Variants in CAST observed in about 807,000 individuals in gnomAD.
CAST encodes the protein calpastatin, also known as MIR583 host.
CAST carries 76 observed loss-of-function variants against 119.6 expected under a neutral mutation model. The observed-to-expected ratio is 0.64, with a 90% confidence interval of 0.53 to 0.77. The LOEUF (loss-of-function observed/expected upper bound fraction) is 0.77, where lower values mean the gene tolerates loss of function less well. CAST is among the 30% of genes least tolerant of loss of function. CAST has a pLI of 0.00. For missense variants in CAST, 953 were observed against 946.5 expected (o/e 1.01, Z -0.09); for synonymous variants, 319 against 331.6 (o/e 0.96, Z 0.41).
At chr5:96,561,786 G>GTTTTTTTTTTT (rs1554067776) in intron 1 of CAST, among the ~76,000 whole-genome samples, 29 of 105,436 alleles carry the variant, frequency 2.8e-4, no homozygotes, top group South Asian at 1.1e-3. Flanking sequence ...TTATATATAT[G>GTTTTTTTTTTT]TTTTTTTTTG....
the CAST span, among the ~76,000 whole-genome samples, chr5:96,426,902 T>TA: frequency 1.3e-5 from 2 of 152,186 alleles, no homozygotes; most frequent in Admixed American, 6.5e-5. Flanking sequence ...GCAAACCTAT[T>TA]AAAAATAATG....
the CAST span, among the ~76,000 whole-genome samples, chr5:96,509,250 A>C: frequency 0.029 from 4,407 of 152,340 alleles, 211 homozygotes; most frequent in African/African-American, 0.099. Flanking sequence ...TCTGAGGAAT[A>C]GGTCTTTGCA....
the CAST span, among the ~76,000 whole-genome samples, chr5:96,105,603 T>G: frequency 2.0e-5 from 3 of 152,200 alleles, no homozygotes; most frequent in Admixed American, 2.0e-4. Context: ...TCATGGTGGA[T>G]AAGCTTTTTG....
chr5:96,347,766 G>T, the CAST span, among the ~76,000 whole-genome samples: 4 of 152,128 alleles, frequency 2.6e-5, no homozygotes, highest in Admixed American at 6.6e-5. Flanking sequence ...CCTCTGAAGG[G>T]TCATTGGGAG....
chr5:96,255,751 G>A, the CAST span, among the ~76,000 whole-genome samples: 6 of 152,086 alleles, frequency 3.9e-5, no homozygotes, highest in Non-Finnish European at 7.4e-5. Context: ...TTTTGAGACT[G>A]TGGCTTGATT....
At chr5:96,368,997 A>T in the CAST span, among the ~76,000 whole-genome samples, 6 of 152,010 alleles carry the variant, frequency 3.9e-5, no homozygotes, top group Non-Finnish European at 7.4e-5. Context: ...TTGTGGTTAG[A>T]ATTCTGAAAC....
chr5:95,966,812 A>G, the CAST span, among the ~76,000 whole-genome samples: 1 of 152,260 alleles, frequency 6.6e-6, no homozygotes, highest in Admixed American at 6.5e-5. Context: ...CATTAAGAGC[A>G]GTCTCTAGAA....
the CAST span, among the ~76,000 whole-genome samples, chr5:96,023,484 A>T: frequency 6.6e-6 from 1 of 152,224 alleles, no homozygotes; most frequent in Non-Finnish European, 1.5e-5. Context: ...TGATACTATC[A>T]TACTAGCAGA....
the CAST span, among the ~76,000 whole-genome samples, chr5:96,269,674 A>G: frequency 3.3e-5 from 5 of 152,222 alleles, no homozygotes; most frequent in African/African-American, 1.2e-4. Flanking sequence ...GTTTCTGGGC[A>G]TATACAACCT....
At chr5:96,398,173 CAG>C in the CAST span, among the ~76,000 whole-genome samples, 2 of 152,106 alleles carry the variant, frequency 1.3e-5, no homozygotes, top group African/African-American at 4.8e-5. Context: ...TCAAAATTAA[CAG>C]AGCCTATTCC....
At chr5:96,001,074 A>C in the CAST span, among the ~76,000 whole-genome samples, 1 of 152,176 alleles carries the variant, frequency 6.6e-6, no homozygotes, top group Admixed American at 6.5e-5. Flanking sequence ...CATCATCTAA[A>C]TTCTTAAACC....
the CAST span, chr5:95,961,475 C>G: frequency 7.6e-7 from 1 of 1,322,470 alleles, no homozygotes; most frequent in South Asian, 2.0e-5. Context: ...ACGGTAGCAG[C>G]TGCCAGCCAC....
At chr5:96,083,272 G>A in the CAST span, among the ~76,000 whole-genome samples, 1 of 151,474 alleles carries the variant, frequency 6.6e-6, no homozygotes, top group African/African-American at 2.4e-5. Flanking sequence ...ATACCAAAAA[G>A]AGAATAAAAA....
chr5:96,416,161 A>G, the CAST span: 1 of 1,378,202 alleles, frequency 7.3e-7, no homozygotes, highest in Admixed American at 1.7e-5. Flanking sequence ...CATACAGAAG[A>G]ACAAACATTT....
the CAST span, among the ~76,000 whole-genome samples, chr5:96,420,783 G>A: frequency 7.6e-6 from 1 of 132,318 alleles, no homozygotes; most frequent in East Asian, 2.3e-4. Flanking sequence ...GAGAGAGAGA[G>A]AGAAAGAGAG....
chr5:96,035,152 T>TATAC, the CAST span, among the ~76,000 whole-genome samples: 5 of 145,038 alleles, frequency 3.4e-5, no homozygotes, highest in African/African-American at 1.2e-4. Flanking sequence ...TTATTTTATA[T>TATAC]ATACTTCAAA....
At chr5:96,058,022 C>A in the CAST span, among the ~76,000 whole-genome samples, 2 of 152,068 alleles carry the variant, frequency 1.3e-5, no homozygotes, top group Non-Finnish European at 2.9e-5. Flanking sequence ...TGCATTGATT[C>A]TTGACCTTAT....
chr5:96,213,855 C>T, the CAST span: 3 of 152,126 alleles, frequency 2.0e-5, no homozygotes, highest in African/African-American at 7.2e-5. Context: ...CCCAGTCCTC[C>T]CATCCCCTTC....
chr5:96,036,084 A>C, the CAST span, among the ~76,000 whole-genome samples: 1 of 151,990 alleles, frequency 6.6e-6, no homozygotes, highest in African/African-American at 2.4e-5. Flanking sequence ...AGTTAAAAAA[A>C]AAAAGAGAGA....
Sources: allele counts gnomAD v4.1 joint callset (sites outside exome capture counted in the v4.1 genomes callset), GRCh38; gene constraint gnomAD v4.1.1; transcripts MANE v1.5; gene names NCBI Gene and HGNC (gene_info 2026-07-23, HGNC 2026-07-21).